EPHX1: variants seen among roughly 807,000 people sequenced by gnomAD.
EPHX1 encodes the protein epoxide hydratase.
Under a neutral mutation model 43.2 loss-of-function variants are expected in EPHX1, and 40 were observed. That is an observed-to-expected ratio of 0.93 (90% confidence interval 0.72 to 1.21). The LOEUF is 1.21. EPHX1 is among the 50% of genes most tolerant of loss of function. The pLI is 0.00. For synonymous variants in EPHX1, 221 were observed against 226.7 expected, an observed-to-expected ratio of 0.98 and a Z score of 0.22; for missense variants, 550 against 570.4, an observed-to-expected ratio of 0.96 and a Z score of 0.36.
intron 7 of EPHX1, among the ~76,000 whole-genome samples, chr1:225,844,215 G>A (rs1043165519): frequency 6.6e-6 from 1 of 152,070 alleles, no homozygotes; most frequent in African/African-American, 2.4e-5. Context: ...TGAGGGGAGG[G>A]AGGAGAGGTC....
At chr1:225,820,619 G>A (rs1486978265) in intron 1 of EPHX1, among the ~76,000 whole-genome samples, 1 of 152,054 alleles carries the variant, frequency 6.6e-6, no homozygotes, top group African/African-American at 2.4e-5. Flanking sequence ...TTCATGCCAT[G>A]CGCTTCCTCA....
rs886693444 is a variant in EPHX1, at chr1:225,831,555, A to G, written c.184-224A>G. On this transcript the variant is annotated intron_variant, in intron 2 of 8. Coordinates refer to ENST00000272167, the MANE Select transcript of EPHX1 (RefSeq NM_001136018.4). ...GAGTGAGACCCTATCTCAAAAAAAA[A>G]AAAAGAAAAAAGAAAAAAGAAATGC... is the stretch of plus-strand genomic sequence containing the variant. Among the ~76,000 whole-genome samples, 29 of 103,364 alleles carry G rather than the reference A, an allele frequency of 2.8e-4. No homozygotes were observed. The South Asian group carries it at 4.7e-3, about 17-fold the overall frequency. The allele number at this position is 103,364 out of a possible 152,430, so 67.8% of individuals were successfully genotyped here.
chr1:225,813,024 G>T (rs574166352), intron 1 of EPHX1, among the ~76,000 whole-genome samples: 1 of 152,174 alleles, frequency 6.6e-6, no homozygotes, highest in Non-Finnish European at 1.5e-5. Flanking sequence ...CCCCTCTCTG[G>T]ACCTCATCTG....
intron 1 of EPHX1, among the ~76,000 whole-genome samples, chr1:225,814,339 C>A (rs941092617): frequency 1.3e-5 from 2 of 152,128 alleles, no homozygotes; most frequent in Non-Finnish European, 2.9e-5. Context: ...TTCAAGACCA[C>A]CCTGGGCAAC....
chr1:225,839,138 A>G, intron 4 of EPHX1, 79 bp from the exon 5 acceptor site: 1 of 1,607,004 alleles, frequency 6.2e-7, no homozygotes, highest in Non-Finnish European at 8.5e-7. Context: ...GGCCTGAGAA[A>G]TTTCATAGAA....
At chr1:225,815,751 T>C (rs1047590325) in intron 1 of EPHX1, among the ~76,000 whole-genome samples, 2 of 152,302 alleles carry the variant, frequency 1.3e-5, no homozygotes, top group African/African-American at 4.8e-5. Context: ...CCCCTAGTCC[T>C]CTTGCTGCTC....
intron 1 of EPHX1, among the ~76,000 whole-genome samples, chr1:225,821,565 CTTTTTTTTT>C (rs869228485): frequency 1.4e-5 from 1 of 69,864 alleles, no homozygotes; most frequent in Non-Finnish European, 2.5e-5. Flanking sequence ...TTTTTTGGTT[CTTTTTTTTT>C]TTTTTTTTTT....
At chr1:225,835,381 G>C (rs1304848929) in intron 3 of EPHX1, among the ~76,000 whole-genome samples, 1 of 126,800 alleles carries the variant, frequency 7.9e-6, no homozygotes, top group African/African-American at 3.2e-5. Flanking sequence ...ACCACACTAG[G>C]CTTTTTTTTT....
At chr1:225,844,404 G>C (rs1668733078) in intron 7 of EPHX1, 94 bp from the exon 8 acceptor site, 1 of 1,600,592 alleles carries the variant, frequency 6.2e-7, no homozygotes, top group Non-Finnish European at 8.6e-7. Context: ...AAGCCGCATG[G>C]GCAGGGCCTG....
At chr1:225,821,807 C>T (rs1009050053) in intron 1 of EPHX1, among the ~76,000 whole-genome samples, 1 of 151,772 alleles carries the variant, frequency 6.6e-6, no homozygotes, top group African/African-American at 2.4e-5. Context: ...AAGTAATCTA[C>T]CTGCGTTGGC....
chr1:225,833,891 A>T (rs1355421323), intron 3 of EPHX1, among the ~76,000 whole-genome samples: 1 of 150,866 alleles, frequency 6.6e-6, no homozygotes, highest in East Asian at 2.0e-4. Flanking sequence ...AGGTCAGGAG[A>T]TCGAGACCAT....
chr1:225,832,266 G>A (rs1464378973), intron 3 of EPHX1: 1 of 389,616 alleles, frequency 2.6e-6, no homozygotes, highest in East Asian at 6.2e-5. Context: ...CAGGCCAAGT[G>A]GGGTGGCTCA....
chr1:225,835,388 T>TTTTTC (rs1667899499), intron 3 of EPHX1, among the ~76,000 whole-genome samples: 2 of 147,524 alleles, frequency 1.4e-5, no homozygotes. Context: ...TAGGCTTTTT[T>TTTTTC]TTTTTTTTTT....
chr1:225,845,383 C>CCTGCCA lies in EPHX1; in HGVS notation c.*36_*37insCTGCCA. The CCTGCCA allele has an allele frequency of 6.5e-7, 1 of 1,539,862 alleles. No homozygotes were observed. Among genetic ancestry groups the CCTGCCA allele is most frequent in the Non-Finnish European group, 8.7e-7 (1 of 1,144,390 alleles). On this transcript the variant is annotated 3_prime_UTR_variant, in exon 9 of 9. Coordinates refer to ENST00000272167, the MANE Select transcript of EPHX1 (RefSeq NM_001136018.4). ...TCCCCCCGCCTGCCACCTCCCCCCA[C>CCTGCCA]AAGTGCCCTCCAGGCTTTTCTTGGG...
rs1427196507 is a variant in EPHX1 at position 225,817,894 on chromosome 1, T to C, written c.-6+7725T>C. On this transcript the variant is annotated intron_variant, in intron 1 of 8. Transcript: ENST00000272167. This position sits in a 1 kb window ranked among gnomAD's most constrained non-coding sequence, Gnocchi z 5.7. ...TTACTGCGATTTTAGGAGCACTTTCTTGTGGTGAGGTTCTGACTGCTTGCT... is the reference window on the plus strand; with the variant it reads ...TTACTGCGATTTTAGGAGCACTTTCCTGTGGTGAGGTTCTGACTGCTTGCT... Among the ~76,000 whole-genome samples the C allele has an allele frequency of 1.3e-5, 2 of 152,250 alleles. No individual in the cohort carries two copies. The highest frequency in any genetic ancestry group is 1.5e-5 in the Non-Finnish European group (1 of 68,042).
chr1:225,844,386 G>A, intron 7 of EPHX1, 112 bp from the exon 8 acceptor site: 2 of 1,550,780 alleles, frequency 1.3e-6, no homozygotes, highest in South Asian at 2.2e-5. Context: ...CATGAGGTCT[G>A]AGGAGGGAAG....
chr1:225,844,370 A>C (rs1039530253), intron 7 of EPHX1, 128 bp from the exon 8 acceptor site: 3 of 1,407,266 alleles, frequency 2.1e-6, no homozygotes, highest in Non-Finnish European at 3.0e-6. Context: ...GATACCACAC[A>C]CGTTGCATGA....
chr1:225,819,226 C>CAAAAAAAAAA (rs1302566204), intron 1 of EPHX1, among the ~76,000 whole-genome samples: 6 of 4,492 alleles, frequency 1.3e-3, no homozygotes, highest in Admixed American at 3.4e-3. Context: ...GACTCCGTCT[C>CAAAAAAAAAA]AAAAAAAAAA....
intron 3 of EPHX1, among the ~76,000 whole-genome samples, chr1:225,833,041 G>A (rs944638952): frequency 9.9e-5 from 15 of 152,176 alleles, no homozygotes; most frequent in African/African-American, 3.4e-4. Context: ...GAGTGCAGCG[G>A]CTATTCACAG....
Sources: gnomAD v4.1 joint callset for allele counts (sites outside exome capture counted in the v4.1 genomes callset) on GRCh38, gnomAD v4.1.1 for gene constraint, Gnocchi (gnomAD v3.1) non-coding constraint, MANE v1.5 for transcripts, NCBI Gene and HGNC (gene_info 2026-07-23, HGNC 2026-07-21) for gene names.